PRKCA: variants seen among roughly 807,000 people sequenced by gnomAD.
PRKCA encodes protein kinase C alpha.
In PRKCA, 27 loss-of-function variants were observed where a neutral mutation model predicts 87.0. The ratio of observed to expected loss-of-function variants is 0.31; its 90% CI spans 0.23 to 0.43. The LOEUF (loss-of-function observed/expected upper bound fraction) is 0.43. PRKCA is among the 20% of genes least tolerant of loss of function. The pLI is 1.00. For synonymous variants in PRKCA, 329 were observed against 311.1 expected (o/e 1.06, Z -0.61); for missense variants, 518 against 852.3 (o/e 0.61, Z 4.88).
intron 3 of PRKCA, among the ~76,000 whole-genome samples, chr17:66,566,525 G>C (rs1376422118): frequency 6.9e-6 from 1 of 144,366 alleles, no homozygotes; most frequent in East Asian, 2.0e-4. Context: ...CCCACTTTGG[G>C]AAATGAGAAC....
In PRKCA at chr17:66,539,940, A is replaced by C. The variant is rs1967922100; in HGVS notation, c.288+43657A>C. Among the ~76,000 whole-genome samples the C allele has an allele frequency of 1.3e-5, 2 of 152,218 alleles. 1 individual carries two copies. The highest frequency in any genetic ancestry group is 4.1e-4 in the South Asian group (2 of 4,834). On this transcript the variant is annotated intron_variant, in intron 3 of 16. Coordinates refer to ENST00000413366, the MANE Select transcript of PRKCA (RefSeq NM_002737.3). ...TTTAGAAAAGGTCACCACACTTAGA[A>C]ATAGAAATCCACCCTTGCTCACGCA...
chr17:66,633,370 T>G (rs1385271729), intron 3 of PRKCA, among the ~76,000 whole-genome samples: 3 of 152,196 alleles, frequency 2.0e-5, no homozygotes, highest in Non-Finnish European at 4.4e-5. Flanking sequence ...CGCAGTAATG[T>G]TGCTAGATTT....
At chr17:66,431,534 A>G (rs918310603) in intron 2 of PRKCA, among the ~76,000 whole-genome samples, 2 of 152,212 alleles carry the variant, frequency 1.3e-5, no homozygotes, top group African/African-American at 4.8e-5. Flanking sequence ...GTCAGAATAA[A>G]GTTGGTTGCA....
intron 2 of PRKCA, among the ~76,000 whole-genome samples, chr17:66,438,419 C>T (rs572481094): frequency 7.4e-4 from 113 of 152,134 alleles, no homozygotes; most frequent in Non-Finnish European, 1.4e-3. Flanking sequence ...GAGCCCAAAC[C>T]TGTGAACACC....
intron 16 of PRKCA, among the ~76,000 whole-genome samples, chr17:66,793,617 C>A (rs112672878): frequency 0.025 from 2,808 of 112,686 alleles, 71 homozygotes; most frequent in African/African-American, 0.06. Flanking sequence ...AAAAAAAAAA[C>A]CGGAATGTTC....
At chr17:66,533,909 C>T (rs1239621263) in intron 3 of PRKCA, among the ~76,000 whole-genome samples, 3 of 152,236 alleles carry the variant, frequency 2.0e-5, no homozygotes, top group South Asian at 2.1e-4. Flanking sequence ...GACTCTGCAG[C>T]GCATCAGCCC....
intron 8 of PRKCA, among the ~76,000 whole-genome samples, chr17:66,694,282 A>G (rs944110184): frequency 2.7e-4 from 41 of 152,074 alleles, no homozygotes; most frequent in African/African-American, 9.9e-4. Context: ...AGAGTTCAAG[A>G]CAAGCCTGGC....
intron 5 of PRKCA, among the ~76,000 whole-genome samples, chr17:66,646,883 A>G (rs1338447423): frequency 6.6e-6 from 1 of 152,240 alleles, no homozygotes; most frequent in Non-Finnish European, 1.5e-5. Flanking sequence ...ACTGGGAATG[A>G]AATCCCTATC....
chr17:66,796,449 CTTT>C, intron 16 of PRKCA: 1 of 985,328 alleles, frequency 1.0e-6, no homozygotes, highest in Non-Finnish European at 1.2e-6. Context: ...ATTCTCCAGA[CTTT>C]GTGTACCAAA....
intron 13 of PRKCA, among the ~76,000 whole-genome samples, chr17:66,770,680 T>G (rs964501665): frequency 6.6e-6 from 1 of 152,158 alleles, no homozygotes; most frequent in Non-Finnish European, 1.5e-5. Context: ...AGCCCTATGG[T>G]AGTGTCTGCC....
intron 13 of PRKCA, among the ~76,000 whole-genome samples, chr17:66,754,302 C>T (rs888748545): frequency 6.6e-6 from 1 of 151,848 alleles, no homozygotes; most frequent in Non-Finnish European, 1.5e-5. Context: ...AATAAAGGCC[C>T]CAGAGGGCAG....
At chr17:66,360,143 C>T (rs911302238) in intron 2 of PRKCA, among the ~76,000 whole-genome samples, 2 of 152,170 alleles carry the variant, frequency 1.3e-5, no homozygotes, top group Admixed American at 6.5e-5. Flanking sequence ...ACTCAAACAT[C>T]GCCGAACTTG....
At chr17:66,409,446 T>C (rs968185621) in intron 2 of PRKCA, among the ~76,000 whole-genome samples, 5 of 152,162 alleles carry the variant, frequency 3.3e-5, no homozygotes, top group Non-Finnish European at 7.4e-5. Flanking sequence ...ATGGAAAAAC[T>C]TAGGAAAGCC....
In PRKCA at chr17:66,399,097, TTTC is replaced by T. The variant is rs1402683470; in HGVS notation, c.205+92973_205+92975del. Among the ~76,000 whole-genome samples, 25 of 114,966 alleles carry T rather than the reference TTTC, an allele frequency of 2.2e-4. 1 individual carries two copies. The highest frequency in any genetic ancestry group is 1.6e-3 in the Admixed American group (17 of 10,372). The allele number at this position is 114,966 out of a possible 152,430, so 75.4% of individuals were successfully genotyped here. On this transcript the variant is annotated intron_variant, in intron 2 of 16. Transcript: ENST00000413366. ...TAGACAGCATTTTCTTTTCTTTTCT[TTTC>T]TTTTTTTTTTTTTTTTGAGACAGGG... is the stretch of plus-strand genomic sequence containing the variant.
In PRKCA at chr17:66,569,297, G is replaced by A. The variant is rs540966408; in HGVS notation, c.289-72058G>A. 1.2e-4 allele frequency among the ~76,000 whole-genome samples: 19 copies of A among 152,272 alleles called. No homozygotes were observed. The South Asian group carries it at 1.7e-3, about 13-fold the overall frequency. ...TGAATTTAAAAAAAAGGTCAGGTGCGGTGGCTCACACCTGTAATCCCAGCA... is the reference window on the plus strand; with the variant it reads ...TGAATTTAAAAAAAAGGTCAGGTGCAGTGGCTCACACCTGTAATCCCAGCA... On this transcript the variant is annotated intron_variant, in intron 3 of 16. Transcript: ENST00000413366.
intron 3 of PRKCA, among the ~76,000 whole-genome samples, chr17:66,589,003 G>A (rs1383352193): frequency 2.0e-5 from 3 of 152,012 alleles, no homozygotes; most frequent in African/African-American, 7.2e-5. Context: ...GTTCTCCAGG[G>A]TCACTTGTTT....
intron 2 of PRKCA, among the ~76,000 whole-genome samples, chr17:66,323,323 T>A (rs57784407): frequency 6.6e-6 from 1 of 152,226 alleles, no homozygotes; most frequent in Admixed American, 6.5e-5. Context: ...CTGGGTTATT[T>A]AGTTTTTAAG....
chr17:66,698,304 ATTTAATTGT>A (rs1350999135), intron 8 of PRKCA, among the ~76,000 whole-genome samples: 1 of 152,252 alleles, frequency 6.6e-6, no homozygotes, highest in African/African-American at 2.4e-5. Flanking sequence ...TGACCTGACA[ATTTAATTGT>A]TTTAAGGAAG....
chr17:66,593,115 CATTT>C (rs1297073098), intron 3 of PRKCA, among the ~76,000 whole-genome samples: 2 of 152,144 alleles, frequency 1.3e-5, no homozygotes, highest in Admixed American at 1.3e-4. Flanking sequence ...AATAAAGAAA[CATTT>C]ATTTAGAGTT....
Sources: gnomAD v4.1 joint callset for allele counts (sites outside exome capture counted in the v4.1 genomes callset) on GRCh38, gnomAD v4.1.1 for gene constraint, MANE v1.5 for transcripts, NCBI Gene and HGNC (gene_info 2026-07-23, HGNC 2026-07-21) for gene names.